Variants in MS4A4A observed in about 807,000 individuals in gnomAD.
The protein encoded by MS4A4A is membrane-spanning 4-domains subfamily A member 4A.
MS4A4A carries 26 observed loss-of-function variants against 28.0 expected under a neutral mutation model. That is an observed-to-expected ratio of 0.93 (90% confidence interval 0.68 to 1.29). The LOEUF (loss-of-function observed/expected upper bound fraction) is 1.29. MS4A4A is among the 50% of genes most tolerant of loss of function. MS4A4A has a pLI of 0.00. For missense variants in MS4A4A, 290 were observed against 293.1 expected, an observed-to-expected ratio of 0.99 and a Z score of 0.08; for synonymous variants, 86 against 100.8, an observed-to-expected ratio of 0.85 and a Z score of 0.88.
chr11:60,291,542 G>A (rs2084855613), intron 1 of MS4A4A, among the ~76,000 whole-genome samples: 1 of 152,118 alleles, frequency 6.6e-6, no homozygotes, highest in Non-Finnish European at 1.5e-5. Context: ...GCTCACACCT[G>A]TAATTCCAGC....
At chr11:60,288,610 C>T (rs191992704) in intron 1 of MS4A4A, among the ~76,000 whole-genome samples, 50 of 152,278 alleles carry the variant, frequency 3.3e-4, no homozygotes, top group Admixed American at 3.2e-3. Context: ...CACTAGGACA[C>T]TGCAGCAACT....
rs138193824 is a variant in MS4A4A, at chr11:60,297,686, A to G, written c.330+361A>G. On this transcript the variant is annotated intron_variant, in intron 3 of 6. Transcript: ENST00000337908. ...TGCAAGGATTTCATCAAGGATTGCT[A>G]GCAGACCACATCAGAGGGGAGATGG... Among the ~76,000 whole-genome samples the G allele has an allele frequency of 7.7e-4, 117 of 152,340 alleles. 1 individual carries two copies. The highest frequency in any genetic ancestry group is 2.7e-3 in the African/African-American group (113 of 41,582).
At chr11:60,285,394 C>T (rs1327052898) in intron 1 of MS4A4A, among the ~76,000 whole-genome samples, 1 of 152,170 alleles carries the variant, frequency 6.6e-6, no homozygotes, top group Non-Finnish European at 1.5e-5. Flanking sequence ...ATCCCAGCTA[C>T]TTGGGTGGCT....
At chr11:60,304,752 C>T (rs1161891696) in intron 5 of MS4A4A, among the ~76,000 whole-genome samples, 1 of 152,196 alleles carries the variant, frequency 6.6e-6, no homozygotes, top group African/African-American at 2.4e-5. Flanking sequence ...GTGACAGAGA[C>T]CTTATGGTCG....
chr11:60,299,696 C>T lies in MS4A4A; in HGVS notation c.331-1305C>T, dbSNP rs557846359. Among the ~76,000 whole-genome samples the T allele has an allele frequency of 1.8e-3, 270 of 152,070 alleles. 1 individual carries two copies. Among genetic ancestry groups the T allele is most frequent in the Non-Finnish European group, 2.4e-3 (163 of 67,950 alleles). ...CACTGTGGTCTCGATCTCCTGGTCT[C>T]GTGATCCACCCGCCTCAGCCTCCCA... On this transcript the variant is annotated intron_variant, in intron 3 of 6. Transcript: ENST00000337908.
chr11:60,294,889 ACTACTT>A (rs2084889622), intron 2 of MS4A4A, among the ~76,000 whole-genome samples: 1 of 29,918 alleles, frequency 3.3e-5, no homozygotes, highest in African/African-American at 7.0e-5. Context: ...TCCTACAACT[ACTACTT>A]CTTCTTCTTC....
chr11:60,291,813 A>C (rs910714889), intron 1 of MS4A4A, among the ~76,000 whole-genome samples: 1 of 151,918 alleles, frequency 6.6e-6, no homozygotes, highest in African/African-American at 2.4e-5. Flanking sequence ...AAAAAACAAA[A>C]AAACAAAACT....
intron 5 of MS4A4A, among the ~76,000 whole-genome samples, chr11:60,303,311 G>A (rs1266525186): frequency 2.0e-5 from 3 of 152,150 alleles, no homozygotes; most frequent in African/African-American, 7.2e-5. Context: ...ATATTTTGTA[G>A]GTAGTAAAAC....
rs1051073137 is a variant in MS4A4A, at chr11:60,283,692, A to T, written c.41+2976A>T. Among the ~76,000 whole-genome samples, 9 of 152,252 alleles carry T rather than the reference A, an allele frequency of 5.9e-5. No individual in the cohort carries two copies. The East Asian group carries it at 1.7e-3, about 29-fold the overall frequency. ...ATGGGCTTTATTAGAATGACTTTAA[A>T]TTAAGCCCAGAGAAGGACAATTCCC... On this transcript the variant is annotated intron_variant, in intron 1 of 6. Transcript: ENST00000337908.
At chr11:60,284,097 C>G (rs991201543) in intron 1 of MS4A4A, among the ~76,000 whole-genome samples, 1 of 152,166 alleles carries the variant, frequency 6.6e-6, no homozygotes, top group African/African-American at 2.4e-5. Flanking sequence ...TTAGTGGATC[C>G]CCTTAAGCAA....
At chr11:60,286,125 A>T (rs1204776580) in intron 1 of MS4A4A, among the ~76,000 whole-genome samples, 1 of 152,220 alleles carries the variant, frequency 6.6e-6, no homozygotes, top group Admixed American at 6.5e-5. Context: ...GCAATAAGAA[A>T]AATATGACTT....
chr11:60,306,082 T>G lies in MS4A4A; in HGVS notation c.547-18T>G. 1 of 1,564,886 alleles carries G rather than the reference T, an allele frequency of 6.4e-7. No homozygotes were observed. The highest frequency in any genetic ancestry group is 8.8e-7 in the Non-Finnish European group (1 of 1,138,276). On this transcript the variant is annotated intron_variant, in intron 5 of 6. Coordinates refer to ENST00000337908, the MANE Select transcript of MS4A4A (RefSeq NM_148975.3). ...CATCTCCATTTCTCACATTCCTTTG[T>G]TATGAGTTTTCTCCTAGGGTCTGGA...
intron 3 of MS4A4A, among the ~76,000 whole-genome samples, chr11:60,297,830 G>A (rs1162611159): frequency 1.3e-5 from 2 of 152,172 alleles, no homozygotes; most frequent in African/African-American, 4.8e-5. Flanking sequence ...CTGTAGCTGG[G>A]AGGAGTCTAC....
chr11:60,292,276 A>G lies in MS4A4A; in HGVS notation c.93A>G (p.Pro31=). 1 of 1,605,460 alleles carries G rather than the reference A, an allele frequency of 6.2e-7. No individual in the cohort carries two copies. Among genetic ancestry groups the G allele is most frequent in the Non-Finnish European group, 8.5e-7 (1 of 1,176,408 alleles). The stretch of plus-strand genomic sequence containing the variant: ...TGCAAGGAATGGAACAGGCCATGCC[A>G]GGGGCTGGCCCTGGTGTGCCCCAGC... ...TTMQGMEQAM[P]GAGPGVPQLG... Residue 31 remains proline, a synonymous_variant, in exon 2 of 7, where the codon CCA becomes CCG. Coordinates refer to ENST00000337908, the MANE Select transcript of MS4A4A (RefSeq NM_148975.3).
chr11:60,306,754 G>A lies in MS4A4A; in HGVS notation c.648+553G>A, dbSNP rs542946661. On this transcript the variant is annotated intron_variant, in intron 6 of 6. Coordinates refer to ENST00000337908, the MANE Select transcript of MS4A4A (RefSeq NM_148975.3). ...TCTTTTTCCCCTTCCTTTCTCCCTCGAAGTGCATAACCTCTGAATCCAGAT... is the reference window on the plus strand; with the variant it reads ...TCTTTTTCCCCTTCCTTTCTCCCTCAAAGTGCATAACCTCTGAATCCAGAT... 3.3e-5 allele frequency among the ~76,000 whole-genome samples: 5 copies of A among 152,224 alleles called. No homozygotes were observed. The South Asian group carries it at 6.2e-4, about 19-fold the overall frequency.
At chr11:60,302,902 C>T (rs1260389977) in intron 5 of MS4A4A, among the ~76,000 whole-genome samples, 185 bp downstream of exon 5, 2 of 152,088 alleles carry the variant, frequency 1.3e-5, no homozygotes, top group Non-Finnish European at 2.9e-5. Flanking sequence ...CTTTATTCTT[C>T]TATATATCAT....
At chr11:60,281,509 C>T (rs991765736) in intron 1 of MS4A4A, among the ~76,000 whole-genome samples, 2 of 152,188 alleles carry the variant, frequency 1.3e-5, no homozygotes. Flanking sequence ...CCGGGCCTTT[C>T]CCCCTTTTCC....
intron 6 of MS4A4A, among the ~76,000 whole-genome samples, chr11:60,306,940 C>T (rs1430574515): frequency 1.3e-5 from 2 of 152,336 alleles, no homozygotes; most frequent in East Asian, 1.9e-4. Flanking sequence ...CTGAGACCTG[C>T]AGCTGATGCT....
intron 5 of MS4A4A, among the ~76,000 whole-genome samples, chr11:60,304,827 C>G (rs1290931959): frequency 6.6e-6 from 1 of 152,196 alleles, no homozygotes; most frequent in Non-Finnish European, 1.5e-5. Context: ...GTCTACACTT[C>G]TAGATGGTAA....
Sources: allele counts gnomAD v4.1 joint callset (sites outside exome capture counted in the v4.1 genomes callset), GRCh38; gene constraint gnomAD v4.1.1; transcripts MANE v1.5; gene names NCBI Gene and HGNC (gene_info 2026-07-23, HGNC 2026-07-21).